UNC13C: variants seen among roughly 807,000 people sequenced by gnomAD.
UNC13C encodes the protein unc-13 homolog C, also known as protein unc-13 homolog C.
UNC13C carries 174 observed loss-of-function variants against 245.4 expected under a neutral mutation model. That is an observed-to-expected ratio of 0.71 (90% CI 0.63 to 0.80). The LOEUF (loss-of-function observed/expected upper bound fraction) is 0.80. Among genes scored for constraint, UNC13C ranks in the 30% least tolerant of loss-of-function variants. The pLI, the probability that UNC13C is intolerant of heterozygous loss-of-function variation, is 0.00. For synonymous variants in UNC13C, 992 were observed against 895.1 expected, an observed-to-expected ratio of 1.11 and a Z score of -1.93; for missense variants, 2,829 against 2,602.9, an observed-to-expected ratio of 1.09 and a Z score of -1.89.
At chr15:54,595,595 A>C (rs1360737055) in intron 30 of UNC13C, among the ~76,000 whole-genome samples, 1 of 152,166 alleles carries the variant, frequency 6.6e-6, no homozygotes, top group African/African-American at 2.4e-5. Flanking sequence ...GTCTTGATCC[A>C]TAAGTAGATT....
chr15:54,511,507 G>A (rs1036251964), intron 23 of UNC13C, among the ~76,000 whole-genome samples: 1 of 152,050 alleles, frequency 6.6e-6, no homozygotes, highest in African/African-American at 2.4e-5. Context: ...AGAAACTTTA[G>A]CAGCAAGTCT....
chr15:54,386,777 T>A (rs969202461), intron 17 of UNC13C, among the ~76,000 whole-genome samples: 1 of 152,166 alleles, frequency 6.6e-6, no homozygotes, highest in East Asian at 1.9e-4. Flanking sequence ...AATATGCCTC[T>A]GTTGCTGCTT....
chr15:54,452,378 C>G (rs1891227117), intron 19 of UNC13C, among the ~76,000 whole-genome samples: 1 of 152,138 alleles, frequency 6.6e-6, no homozygotes, highest in Non-Finnish European at 1.5e-5. Context: ...CCCAAGCCAT[C>G]TGCACTGGTG....
At chr15:54,328,386 G>GA (rs1387759377) in intron 14 of UNC13C, among the ~76,000 whole-genome samples, 2 of 151,828 alleles carry the variant, frequency 1.3e-5, no homozygotes, top group Non-Finnish European at 2.9e-5. Flanking sequence ...GTATGATCTG[G>GA]AAAAAAACTG....
intron 4 of UNC13C, among the ~76,000 whole-genome samples, chr15:54,203,378 C>T (rs546585203): frequency 7.7e-4 from 117 of 151,178 alleles, no homozygotes; most frequent in Non-Finnish European, 1.3e-3. Flanking sequence ...CTTGTACACG[C>T]GTTTATAGCA....
At chr15:53,958,452 C>G in the UNC13C span, among the ~76,000 whole-genome samples, 1 of 152,118 alleles carries the variant, frequency 6.6e-6, no homozygotes. Context: ...TTTGTGCTGC[C>G]TTACTTTCAG....
At chr15:54,179,961 A>G (rs921867840) in intron 4 of UNC13C, among the ~76,000 whole-genome samples, 4 of 152,122 alleles carry the variant, frequency 2.6e-5, no homozygotes, top group African/African-American at 9.7e-5. Context: ...ACTGTGAAAG[A>G]CAAGAGAAAA....
Position 54,039,471 on chromosome 15 carries a change from TGAAA to T in UNC13C, c.2983+23587_2983+23590del, listed in dbSNP as rs1896723072. 7.2e-5 allele frequency among the ~76,000 whole-genome samples: 11 copies of T among 152,298 alleles called. No individual in the cohort carries two copies. The South Asian group carries it at 2.3e-3, about 32-fold the overall frequency. ...ACAGATGACACTAAAGTCAAGCTAA[TGAAA>T]GTAAGGAAAAATAACCAACTAGAAT... On this transcript the variant is annotated intron_variant, in intron 2 of 32. Coordinates refer to ENST00000260323, the MANE Select transcript of UNC13C (RefSeq NM_001080534.3).
intron 22 of UNC13C, among the ~76,000 whole-genome samples, chr15:54,505,004 T>C (rs1894405864): frequency 6.6e-6 from 1 of 152,182 alleles, no homozygotes; most frequent in South Asian, 2.1e-4. Context: ...ATCCTTTAAA[T>C]GCAGCAGAAT....
At chr15:54,175,824 G>T (rs1472506777) in intron 4 of UNC13C, among the ~76,000 whole-genome samples, 5 of 152,106 alleles carry the variant, frequency 3.3e-5, no homozygotes, top group African/African-American at 1.2e-4. Context: ...AAAGTGTTAT[G>T]GGTCATGTGG....
intron 4 of UNC13C, among the ~76,000 whole-genome samples, chr15:54,148,460 T>C (rs2032374853): frequency 1.3e-5 from 2 of 152,200 alleles, no homozygotes; most frequent in African/African-American, 4.8e-5. Flanking sequence ...TAATTTTCTG[T>C]CACAGTACTG....
intron 2 of UNC13C, among the ~76,000 whole-genome samples, chr15:54,104,699 A>T (rs949683713): frequency 5.6e-4 from 82 of 146,406 alleles, no homozygotes; most frequent in Non-Finnish European, 8.7e-4. Context: ...TTTTTTTTTT[A>T]AATTCTGCTT....
chr15:54,215,383 A>G (rs2035009198), intron 4 of UNC13C, among the ~76,000 whole-genome samples: 1 of 151,892 alleles, frequency 6.6e-6, no homozygotes, highest in South Asian at 2.1e-4. Context: ...CTCTCTCATC[A>G]GGATAGTGTA....
At chr15:54,495,081 T>C (rs1377075910) in intron 20 of UNC13C, among the ~76,000 whole-genome samples, 1 of 152,014 alleles carries the variant, frequency 6.6e-6, no homozygotes, top group African/African-American at 2.4e-5. Context: ...TATATTCAGA[T>C]TTTCCTTTCT....
At chr15:54,179,298 C>G (rs1434145341) in intron 4 of UNC13C, among the ~76,000 whole-genome samples, 3 of 151,840 alleles carry the variant, frequency 2.0e-5, no homozygotes, top group Non-Finnish European at 4.4e-5. Context: ...TCAAAAGAAA[C>G]AAAATAAGCA....
At chr15:53,879,590 C>G in the UNC13C span, among the ~76,000 whole-genome samples, 1 of 151,858 alleles carries the variant, frequency 6.6e-6, no homozygotes, top group Non-Finnish European at 1.5e-5. Context: ...TGCTAATTCT[C>G]TCTTTTTATT....
In UNC13C at chr15:54,014,276, C is replaced by G; in HGVS notation, c.1373C>G (p.Ser458Cys). 1.2e-6 allele frequency: 2 copies of G among 1,613,884 alleles called. No individual in the cohort carries two copies. Among genetic ancestry groups the G allele is most frequent in the Non-Finnish European group, 1.7e-6 (2 of 1,179,846 alleles). Residue 458 changes from serine (S) to cysteine (C), a missense_variant, in exon 2 of 33, where the codon TCT becomes TGT. Physicochemically the swap from Ser to Cys is moderately radical, Grantham distance 112. Coordinates refer to ENST00000260323, the MANE Select transcript of UNC13C (RefSeq NM_001080534.3). ...SPDDSDEDLE[S>C]DLNRNSYAVL... ...GATGACAGTGATGAAGATCTTGAAT[C>G]TGACCTCAATAGAAACAGTTACGCT...
the UNC13C span, among the ~76,000 whole-genome samples, chr15:53,904,327 A>G: frequency 6.6e-6 from 1 of 152,178 alleles, no homozygotes; most frequent in Non-Finnish European, 1.5e-5. Context: ...TGTTATATCC[A>G]AAATAATTTA....
chr15:54,045,302 A>G (rs1896988283), intron 2 of UNC13C, among the ~76,000 whole-genome samples: 1 of 152,184 alleles, frequency 6.6e-6, no homozygotes. Context: ...ACATTTGTTG[A>G]AAAGATTTTT....
Sources: allele counts gnomAD v4.1 joint callset (sites outside exome capture counted in the v4.1 genomes callset), GRCh38; gene constraint gnomAD v4.1.1; transcripts MANE v1.5; gene names NCBI Gene and HGNC (gene_info 2026-07-23, HGNC 2026-07-21).